Variants in HSD17B12 observed in about 807,000 individuals in gnomAD.
HSD17B12 encodes very-long-chain 3-oxoacyl-CoA reductase.
HSD17B12 carries 32 observed loss-of-function variants against 39.3 expected under a neutral mutation model. The observed-to-expected ratio is 0.81, with a 90% CI of 0.61 to 1.09. The LOEUF is 1.09. Ranked by LOEUF, HSD17B12 falls within the 50% of genes least tolerant of loss-of-function variation. The probability of loss-of-function intolerance (pLI) is 0.00; values close to 1 mark genes in which losing one functional copy is unlikely to be tolerated. For missense variants in HSD17B12, 342 were observed against 382.9 expected (o/e 0.89, Z 0.89); for synonymous variants, 150 against 146.7 (o/e 1.02, Z -0.16).
chr11:43,604,269 G>T, the HSD17B12 span, among the ~76,000 whole-genome samples: 2,513 of 152,070 alleles, frequency 0.017, 71 homozygotes, highest in African/African-American at 0.059. Flanking sequence ...ATTTATTTTG[G>T]CTGAGAGTTG....
At chr11:43,567,961 A>C in the HSD17B12 span, among the ~76,000 whole-genome samples, 1 of 152,198 alleles carries the variant, frequency 6.6e-6, no homozygotes, top group Non-Finnish European at 1.5e-5. Flanking sequence ...GAGAAGCAAG[A>C]GTCAACGGAC....
chr11:43,575,820 C>A, the HSD17B12 span, among the ~76,000 whole-genome samples: 1 of 152,230 alleles, frequency 6.6e-6, no homozygotes, highest in South Asian at 2.1e-4. The surrounding 1 kb of genome is among the most constrained non-coding windows in gnomAD (Gnocchi z 4.1). Flanking sequence ...CCAGCCCCCT[C>A]GTAGTGAATT....
At chr11:43,600,223 C>A in the HSD17B12 span, among the ~76,000 whole-genome samples, 1 of 151,856 alleles carries the variant, frequency 6.6e-6, no homozygotes, top group Non-Finnish European at 1.5e-5. Context: ...GTCTAGCATT[C>A]ATTCCTTTTA....
At chr11:43,594,698 C>T in the HSD17B12 span, among the ~76,000 whole-genome samples, 1 of 151,984 alleles carries the variant, frequency 6.6e-6, no homozygotes, top group Non-Finnish European at 1.5e-5. Context: ...CCTGTGTTTG[C>T]ATTAAAAATG....
chr11:43,815,594 G>A (rs751304046), intron 5 of HSD17B12, 93 bp downstream of exon 5: 1 of 706,864 alleles, frequency 1.4e-6, no homozygotes, highest in Non-Finnish European at 2.4e-6. Context: ...CCAGCTGCCT[G>A]TGGTTCACAC....
intron 6 of HSD17B12, among the ~76,000 whole-genome samples, chr11:43,822,471 A>G (rs1951192462): frequency 6.6e-6 from 1 of 152,074 alleles, no homozygotes; most frequent in African/African-American, 2.4e-5. Context: ...TCCTAATGCT[A>G]TCCCTCCCCA....
At chr11:43,665,463 C>A in the HSD17B12 span, among the ~76,000 whole-genome samples, 1 of 152,118 alleles carries the variant, frequency 6.6e-6, no homozygotes, top group African/African-American at 2.4e-5. Flanking sequence ...AAGTGATCTT[C>A]CCGTCTCAGC....
At chr11:43,560,000 A>G in the HSD17B12 span, among the ~76,000 whole-genome samples, 1 of 152,142 alleles carries the variant, frequency 6.6e-6, no homozygotes, top group African/African-American at 2.4e-5. Context: ...TTCTTCCACA[A>G]TCTCTCTCTA....
intron 1 of HSD17B12, among the ~76,000 whole-genome samples, chr11:43,697,062 C>A (rs1269514420): frequency 1.3e-5 from 2 of 152,208 alleles, no homozygotes; most frequent in Middle Eastern, 3.4e-3. Context: ...ATAGCTAATG[C>A]ATATGTGGCT....
At chr11:43,614,265 T>C in the HSD17B12 span, among the ~76,000 whole-genome samples, 26 of 152,336 alleles carry the variant, frequency 1.7e-4, no homozygotes, top group African/African-American at 4.6e-4. Flanking sequence ...TAGATTTTCA[T>C]TGGATATAGA....
At chr11:43,695,944 C>T (rs928320895) in intron 1 of HSD17B12, among the ~76,000 whole-genome samples, 12 of 152,180 alleles carry the variant, frequency 7.9e-5, no homozygotes, top group African/African-American at 2.2e-4. Flanking sequence ...ATTTCATCAC[C>T]GAGGTATTAA....
chr11:43,773,693 A>G (rs1012347285), intron 3 of HSD17B12, among the ~76,000 whole-genome samples: 1 of 152,212 alleles, frequency 6.6e-6, no homozygotes, highest in Admixed American at 6.5e-5. Flanking sequence ...CTATACTGAC[A>G]CATCGTTATC....
chr11:43,563,857 T>C, the HSD17B12 span, among the ~76,000 whole-genome samples: 1 of 152,140 alleles, frequency 6.6e-6, no homozygotes, highest in Non-Finnish European at 1.5e-5. Context: ...CCAGTGGTCA[T>C]TAGTAATATT....
chr11:43,567,623 T>C, the HSD17B12 span, among the ~76,000 whole-genome samples: 1 of 152,198 alleles, frequency 6.6e-6, no homozygotes, highest in Non-Finnish European at 1.5e-5. Context: ...TATTCCGCCC[T>C]GCCTTGTGGG....
chr11:43,697,189 CAAAAAG>C (rs969691126), intron 1 of HSD17B12, among the ~76,000 whole-genome samples: 2 of 151,996 alleles, frequency 1.3e-5, no homozygotes, highest in Non-Finnish European at 2.9e-5. Context: ...AACAAACAAA[CAAAAAG>C]AAAGCCATGG....
At chr11:43,620,601 C>T in the HSD17B12 span, among the ~76,000 whole-genome samples, 2 of 152,170 alleles carry the variant, frequency 1.3e-5, no homozygotes, top group Non-Finnish European at 2.9e-5. Context: ...TGCCTATAAA[C>T]CGGAGCTTAC....
intron 3 of HSD17B12, 92 bp downstream of exon 3, chr11:43,754,213 A>G: frequency 1.2e-6 from 1 of 843,676 alleles, no homozygotes; most frequent in South Asian, 1.6e-5. Flanking sequence ...TAGTTCAGGA[A>G]ACTTCTTTTT....
chr11:43,745,480 A>G lies in HSD17B12; in HGVS notation c.161-5431A>G, dbSNP rs115582087. On this transcript the variant is annotated intron_variant, in intron 1 of 10. Coordinates refer to ENST00000278353, the MANE Select transcript of HSD17B12 (RefSeq NM_016142.3). ...AGTCATATGTCATTTAATGGTGGGG[A>G]TACATTCTGAGAAATGTGTTGCTAG... 3.8e-3 allele frequency among the ~76,000 whole-genome samples: 579 copies of G among 152,246 alleles called. 7 individuals are homozygous for G. Among genetic ancestry groups the G allele is most frequent in the African/African-American group, 0.013 (551 of 41,554 alleles).
At chr11:43,809,970 C>T (rs966308156) in intron 4 of HSD17B12, among the ~76,000 whole-genome samples, 13 of 152,244 alleles carry the variant, frequency 8.5e-5, no homozygotes, top group African/African-American at 2.9e-4. Context: ...GGAGGGGTTA[C>T]TTTGCATTAT....
Sources: allele counts gnomAD v4.1 joint callset (sites outside exome capture counted in the v4.1 genomes callset), GRCh38; gene constraint gnomAD v4.1.1; non-coding constraint Gnocchi (gnomAD v3.1); transcripts MANE v1.5; gene names NCBI Gene and HGNC (gene_info 2026-07-23, HGNC 2026-07-21).